The following LRMDA variants were observed in gnomAD, a reference collection of about 807,000 sequenced individuals.
LRMDA encodes leucine-rich melanocyte differentiation-associated protein.
LRMDA carries 18 observed loss-of-function variants against 29.8 expected under a neutral mutation model. The observed-to-expected ratio is 0.60, with a 90% confidence interval of 0.42 to 0.90. The LOEUF (loss-of-function observed/expected upper bound fraction) is 0.90. Ranked by LOEUF, LRMDA falls within the 40% of genes least tolerant of loss-of-function variation. The probability of loss-of-function intolerance (pLI) is 0.00; values close to 1 mark genes in which losing one functional copy is unlikely to be tolerated. For missense variants in LRMDA, 273 were observed against 273.9 expected (o/e 1.00, Z 0.02); for synonymous variants, 125 against 109.4 (o/e 1.14, Z -0.89).
At chr10:75,576,320 T>G (rs1336509139) in intron 2 of LRMDA, among the ~76,000 whole-genome samples, 2 of 152,154 alleles carry the variant, frequency 1.3e-5, no homozygotes, top group Non-Finnish European at 2.9e-5. Context: ...CCTCTCCAGA[T>G]TCCCTCCTCT....
At chr10:75,854,977 T>A (rs899711722) in intron 2 of LRMDA, among the ~76,000 whole-genome samples, 3 of 152,030 alleles carry the variant, frequency 2.0e-5, no homozygotes, top group African/African-American at 7.2e-5. Context: ...TTGTTGGACA[T>A]TTGGGTTGCT....
chr10:75,719,446 G>C (rs574759318), intron 2 of LRMDA, among the ~76,000 whole-genome samples: 4 of 152,258 alleles, frequency 2.6e-5, no homozygotes, highest in Non-Finnish European at 5.9e-5. Context: ...TTTAAATTAA[G>C]TTAGACCTGC....
rs147108715 is a variant in LRMDA at position 76,260,213 on chromosome 10, T to G, written c.517-64188T>G. On this transcript the variant is annotated intron_variant, in intron 5 of 6. Coordinates refer to ENST00000611255, the MANE Select transcript of LRMDA (RefSeq NM_001305581.2). The stretch of plus-strand genomic sequence containing the variant: ...TTAGATGTTCCCTGTAGTGATAGGT[T>G]TCTCTTCTTCTTTTGTGTATTGCCT... 2.1e-3 allele frequency among the ~76,000 whole-genome samples: 315 copies of G among 152,260 alleles called. 2 individuals carry two copies. Among genetic ancestry groups the G allele is most frequent in the African/African-American group, 7.4e-3 (307 of 41,556 alleles).
At chr10:75,498,372 G>A (rs563710555) in intron 2 of LRMDA, among the ~76,000 whole-genome samples, 5 of 152,230 alleles carry the variant, frequency 3.3e-5, no homozygotes, top group Non-Finnish European at 5.9e-5. Context: ...TGTGGCTGCA[G>A]GAAGGGTGCT....
At chr10:76,410,900 C>T (rs1564533912) in intron 6 of LRMDA, among the ~76,000 whole-genome samples, 1 of 152,018 alleles carries the variant, frequency 6.6e-6, no homozygotes, top group Admixed American at 6.5e-5. Context: ...GAGCCGAGAT[C>T]GCACCATTGC....
chr10:76,351,939 A>G (rs957851784), intron 6 of LRMDA, among the ~76,000 whole-genome samples: 1 of 152,108 alleles, frequency 6.6e-6, no homozygotes, highest in Non-Finnish European at 1.5e-5. Context: ...ACAGGATAGT[A>G]TAGTGTCAAG....
At chr10:76,009,876 C>G (rs1207706238) in intron 2 of LRMDA, among the ~76,000 whole-genome samples, 1 of 151,766 alleles carries the variant, frequency 6.6e-6, no homozygotes, top group African/African-American at 2.4e-5. Context: ...TTCATCTTCC[C>G]CCTGTCAGAA....
intron 5 of LRMDA, among the ~76,000 whole-genome samples, chr10:76,195,314 C>T (rs1356860359): frequency 1.3e-5 from 2 of 152,144 alleles, no homozygotes; most frequent in East Asian, 3.9e-4. Flanking sequence ...TGACCTTGTA[C>T]CATTGAAAGT....
intron 6 of LRMDA, among the ~76,000 whole-genome samples, chr10:76,363,167 A>G (rs1841336970): frequency 1.1e-4 from 4 of 36,130 alleles, no homozygotes; most frequent in African/African-American, 3.2e-4. Flanking sequence ...GAAAGAAAGA[A>G]AGAAAGAAAG....
intron 5 of LRMDA, among the ~76,000 whole-genome samples, chr10:76,135,473 T>G (rs751217345): frequency 1.3e-5 from 2 of 152,238 alleles, no homozygotes; most frequent in Non-Finnish European, 2.9e-5. Flanking sequence ...GTATTCATTT[T>G]GAAAGGTTTG....
chr10:76,151,986 T>C (rs1489600525), intron 5 of LRMDA, among the ~76,000 whole-genome samples: 2 of 152,238 alleles, frequency 1.3e-5, no homozygotes, highest in Non-Finnish European at 2.9e-5. Flanking sequence ...ATTACTAGTT[T>C]ACCCACATAA....
At chr10:76,062,976 G>A (rs1457599804) in intron 5 of LRMDA, among the ~76,000 whole-genome samples, 1 of 152,156 alleles carries the variant, frequency 6.6e-6, no homozygotes, top group African/African-American at 2.4e-5. Context: ...GCACAGCAGA[G>A]AGACAGCTCA....
intron 2 of LRMDA, among the ~76,000 whole-genome samples, chr10:75,855,016 T>C (rs1844800187): frequency 6.6e-6 from 1 of 152,218 alleles, no homozygotes; most frequent in Non-Finnish European, 1.5e-5. Flanking sequence ...TGAATAGTGC[T>C]GCAATAAACA....
At chr10:75,933,877 A>G (rs936755886) in intron 2 of LRMDA, among the ~76,000 whole-genome samples, 1 of 152,134 alleles carries the variant, frequency 6.6e-6, no homozygotes, top group Non-Finnish European at 1.5e-5. Flanking sequence ...AAGACTGCTT[A>G]TCTCCCTCCT....
At chr10:76,009,081 G>T (rs2132477547) in intron 2 of LRMDA, among the ~76,000 whole-genome samples, 1 of 152,290 alleles carries the variant, frequency 6.6e-6, no homozygotes, top group South Asian at 2.1e-4. Flanking sequence ...TCAGGTGCAG[G>T]TAATAAGGGA....
At chr10:76,055,912 T>C (rs763887340) in intron 4 of LRMDA, among the ~76,000 whole-genome samples, 1 of 152,192 alleles carries the variant, frequency 6.6e-6, no homozygotes, top group Non-Finnish European at 1.5e-5. Flanking sequence ...CCACAGCTCT[T>C]CTCTCTGTCT....
chr10:76,398,314 A>C (rs555795376), intron 6 of LRMDA, among the ~76,000 whole-genome samples: 199 of 152,224 alleles, frequency 1.3e-3, no homozygotes, highest in Non-Finnish European at 2.3e-3. Context: ...AATGCAGAAA[A>C]TATTAATGTA....
chr10:76,138,195 G>A (rs762829796), intron 5 of LRMDA, among the ~76,000 whole-genome samples: 1 of 152,086 alleles, frequency 6.6e-6, no homozygotes, highest in Non-Finnish European at 1.5e-5. Flanking sequence ...TCATTCTGCA[G>A]CAACTTTTTC....
intron 5 of LRMDA, among the ~76,000 whole-genome samples, chr10:76,253,656 G>C (rs138384330): frequency 6.6e-6 from 1 of 151,976 alleles, no homozygotes; most frequent in Non-Finnish European, 1.5e-5. Flanking sequence ...TACAATTTTA[G>C]TGTCATTATT....
Sources: gnomAD v4.1 joint callset for allele counts (sites outside exome capture counted in the v4.1 genomes callset) on GRCh38, gnomAD v4.1.1 for gene constraint, MANE v1.5 for transcripts, NCBI Gene and HGNC (gene_info 2026-07-23, HGNC 2026-07-21) for gene names.